The following SLC5A9 variants were observed in gnomAD, a reference collection of about 807,000 sequenced individuals.
The protein encoded by SLC5A9 is sodium/glucose cotransporter 4.
In SLC5A9, 59 loss-of-function variants were observed where a neutral mutation model predicts 70.9. That is an observed-to-expected ratio of 0.83 (90% CI 0.68 to 1.03). SLC5A9 has a LOEUF of 1.03. Among genes scored for constraint, SLC5A9 ranks in the 50% least tolerant of loss-of-function variants. SLC5A9 has a pLI of 0.00. For synonymous variants in SLC5A9, 340 were observed against 346.5 expected, an observed-to-expected ratio of 0.98 and a Z score of 0.21; for missense variants, 832 against 881.1, an observed-to-expected ratio of 0.94 and a Z score of 0.71.
chr1:48,231,609 G>C lies in SLC5A9; in HGVS notation c.675G>C (p.Leu225=). The change falls in exon 6 of 14, where the codon CTG becomes CTC. Residue 225 remains leucine (L), a synonymous_variant. Transcript: ENST00000438567. ...LQTVIMVGGA[L]VLMFLGFQDV... is the part of the protein sequence containing the mutation. Reference sequence around the variant, plus strand: ...CGGTGATCATGGTAGGGGGAGCCCTGGTCCTCATGTTTCTGGGTAAGGAAG... The same window carrying C: ...CGGTGATCATGGTAGGGGGAGCCCTCGTCCTCATGTTTCTGGGTAAGGAAG... The C allele has an allele frequency of 6.2e-7, 1 of 1,614,156 alleles. No homozygotes were observed. The highest frequency in any genetic ancestry group is 1.3e-5 in the African/African-American group (1 of 75,052).
rs966653443 is a variant in SLC5A9, at chr1:48,237,552, C to T, written c.1293-127C>T. The T allele has an allele frequency of 3.1e-5, 27 of 873,202 alleles. No individual in the cohort carries two copies. The South Asian group carries it at 4.5e-4, about 14-fold the overall frequency. 54.1% of individuals were successfully genotyped at this position (873,202 alleles called of 1,614,324 possible). On this transcript the variant is annotated intron_variant, in intron 10 of 13. Transcript: ENST00000438567. ...TAGTATTTGAGATTCTGGCTGCCAA[C>T]CTTCTCTGATCTAGTGATTGTACAT...
intron 4 of SLC5A9, among the ~76,000 whole-genome samples, chr1:48,230,345 C>G (rs746036182): frequency 2.6e-4 from 40 of 152,238 alleles, no homozygotes; most frequent in Non-Finnish European, 4.8e-4. Context: ...CCTTCATGTC[C>G]AGCAGACCAG....
chr1:48,234,693 G>A (rs1042049040), intron 9 of SLC5A9, among the ~76,000 whole-genome samples: 1 of 152,168 alleles, frequency 6.6e-6, no homozygotes, highest in African/African-American at 2.4e-5. Context: ...GTGGGATTAT[G>A]GAGGGCAGCA....
Position 48,247,831 on chromosome 1 carries a change from A to G in SLC5A9, c.*288A>G, listed in dbSNP as rs1185764183. ...GACCTACCTCAAACACACTGTTTCC[A>G]CCCTCTTCTTGAATGTATTCAGTAG... On this transcript the variant is annotated 3_prime_UTR_variant, in exon 14 of 14. Transcript: ENST00000438567. 4.4e-6 allele frequency: 2 copies of G among 454,610 alleles called. No homozygotes were observed. Among genetic ancestry groups the G allele is most frequent in the African/African-American group, 3.9e-5 (2 of 51,378 alleles). The allele number at this position is 454,610 out of a possible 1,614,324, so 28.2% of individuals were successfully genotyped here. A position where few individuals can be genotyped will look rare whatever the true frequency, so the allele number is the denominator to read the frequency against.
intron 6 of SLC5A9, 145 bp downstream of exon 6, chr1:48,231,770 A>T: frequency 6.6e-7 from 1 of 1,506,722 alleles, no homozygotes; most frequent in Non-Finnish European, 8.9e-7. Context: ...GCTCCCAAAG[A>T]GCAGGGTTCT....
intron 13 of SLC5A9, among the ~76,000 whole-genome samples, chr1:48,244,872 G>GTATATATATATA (rs1190631619): frequency 5.4e-4 from 5 of 9,316 alleles, no homozygotes; most frequent in African/African-American, 1.1e-3. Flanking sequence ...GTATGTATGT[G>GTATATATATATA]TATGTGTATA....
At position 48,247,711 on chromosome 1, in the gene SLC5A9, GA is replaced by G; in HGVS notation, c.*171del. ...TCAACCTGCACACTTGACAAGTGGA[GA>G]AACAGAAGCCCAGAGAGAGCACTGG... On this transcript the variant is annotated 3_prime_UTR_variant, in exon 14 of 14. Coordinates refer to ENST00000438567, the MANE Select transcript of SLC5A9 (RefSeq NM_001011547.3). The G allele has an allele frequency of 4.4e-6, 3 of 677,186 alleles. No individual in the cohort carries two copies. Among genetic ancestry groups the G allele is most frequent in the Non-Finnish European group, 7.5e-6 (3 of 397,352 alleles). The allele number at this position is 677,186 out of a possible 1,614,324, so 41.9% of individuals were successfully genotyped here.
intron 12 of SLC5A9, among the ~76,000 whole-genome samples, chr1:48,240,087 C>T (rs920802128): frequency 6.6e-6 from 1 of 152,222 alleles, no homozygotes; most frequent in Non-Finnish European, 1.5e-5. Context: ...TGAACACTTA[C>T]AGCCTAGAGC....
At chr1:48,235,955 G>A in intron 10 of SLC5A9, 76 bp downstream of exon 10, 1 of 1,575,640 alleles carries the variant, frequency 6.3e-7, no homozygotes, top group Non-Finnish European at 8.7e-7. Flanking sequence ...CTGAACAGAG[G>A]TGGCTGGGTT....
intron 7 of SLC5A9, 25 bp downstream of exon 7, chr1:48,232,176 CA>C (rs1557473555): frequency 6.3e-7 from 1 of 1,593,804 alleles, no homozygotes; most frequent in South Asian, 1.1e-5. Context: ...AGGCTTAGCC[CA>C]GCCTGCCAGG....
chr1:48,230,723 G>A lies in SLC5A9; in HGVS notation c.610+18G>A. On this transcript the variant is annotated intron_variant, in intron 5 of 13. Coordinates refer to ENST00000438567, the MANE Select transcript of SLC5A9 (RefSeq NM_001011547.3). ...CATTGCAGGTAGGCAGAGGGAAGAGGGCAAGAGGAAAGCTTCTGACTGGCA... is the reference window on the plus strand; with the variant it reads ...CATTGCAGGTAGGCAGAGGGAAGAGAGCAAGAGGAAAGCTTCTGACTGGCA... The A allele has an allele frequency of 3.8e-6, 6 of 1,588,900 alleles. No individual in the cohort carries two copies. The highest frequency in any genetic ancestry group is 5.2e-6 in the Non-Finnish European group (6 of 1,157,658).
chr1:48,237,901 C>A, intron 11 of SLC5A9, 54 bp downstream of exon 11: 1 of 1,571,462 alleles, frequency 6.4e-7, no homozygotes, highest in South Asian at 1.2e-5. Flanking sequence ...GAGACCTGGT[C>A]TGTCAATCAC....
At chr1:48,228,778 C>T in intron 2 of SLC5A9, 72 bp from the exon 3 acceptor site, 1 of 1,591,350 alleles carries the variant, frequency 6.3e-7, no homozygotes. Flanking sequence ...CTCCTCACTA[C>T]TCATGGTCCT....
intron 10 of SLC5A9, among the ~76,000 whole-genome samples, chr1:48,236,297 C>T (rs1003551410): frequency 3.3e-5 from 5 of 152,166 alleles, no homozygotes; most frequent in Admixed American, 3.3e-4. Context: ...TACTGTGCAT[C>T]ACATCCCACA....
intron 1 of SLC5A9, among the ~76,000 whole-genome samples, chr1:48,223,600 A>C (rs540391426): frequency 6.6e-6 from 1 of 152,276 alleles, no homozygotes; most frequent in African/African-American, 2.4e-5. Flanking sequence ...GCAGGCAATA[A>C]ATGGCTGCTA....
rs201595035 is a variant in SLC5A9, at chr1:48,231,606, C to T, written c.672C>T (p.Ala224=). Residue 224 remains alanine, a synonymous_variant, in exon 6 of 14, where the codon GCC becomes GCT. Transcript: ENST00000438567. Reference sequence around the variant, plus strand: ...AGACGGTGATCATGGTAGGGGGAGCCCTGGTCCTCATGTTTCTGGGTAAGG... The same window carrying T: ...AGACGGTGATCATGGTAGGGGGAGCTCTGGTCCTCATGTTTCTGGGTAAGG... The part of the protein sequence containing the change: ...ALQTVIMVGG[A]LVLMFLGFQD... 1.9e-6 allele frequency: 3 copies of T among 1,614,152 alleles called. No individual in the cohort carries two copies. The highest frequency in any genetic ancestry group is 2.2e-5 in the South Asian group (2 of 91,082).
In SLC5A9 at chr1:48,229,432, C is replaced by G. The variant is rs1209582846; in HGVS notation, c.477C>G (p.Leu159=). ...AGGTGTACATGTCTGTCCTGTCTCTCATCCTCTACATCTTCACCAAGATCT... is the reference window on the plus strand; with the variant it reads ...AGGTGTACATGTCTGTCCTGTCTCTGATCCTCTACATCTTCACCAAGATCT... ...RIQVYMSVLS[L]ILYIFTKIST... is the part of the protein sequence containing the mutation. Residue 159 remains leucine (L), a synonymous_variant, in exon 4 of 14, where the codon CTC becomes CTG. Transcript: ENST00000438567. 1 of 1,614,134 alleles carries G rather than the reference C, an allele frequency of 6.2e-7. No homozygotes were observed. Among genetic ancestry groups the G allele is most frequent in the South Asian group, 1.1e-5 (1 of 91,080 alleles).
At position 48,235,857 on chromosome 1, in the gene SLC5A9, C is replaced by T. The variant is rs1212970473; in HGVS notation, c.1270C>T (p.Gln424Ter). ...GCGCTTCCGCAGGAAGTCAACAGAGCAGGAGCTGATGGTGGTGGGCAGGTG... is the reference window on the plus strand; with the variant it reads ...GCGCTTCCGCAGGAAGTCAACAGAGTAGGAGCTGATGGTGGTGGGCAGGTG... ...WQRFRRKSTE[Q>*]ELMVVGRVFV... Residue 424 changes from glutamine to a stop codon, truncating the protein, a stop_gained, in exon 10 of 14, where the codon CAG becomes TAG. Transcript: ENST00000438567. LOFTEE classifies it high-confidence loss of function. The T allele has an allele frequency of 6.2e-7, 1 of 1,614,166 alleles. No individual in the cohort carries two copies. The highest frequency in any genetic ancestry group is 1.1e-5 in the South Asian group (1 of 91,078).
At position 48,239,656 on chromosome 1, in the gene SLC5A9, G is replaced by A; in HGVS notation, c.1677+119G>A. 1 of 926,340 alleles carries A rather than the reference G, an allele frequency of 1.1e-6. No individual in the cohort carries two copies. The highest frequency in any genetic ancestry group is 1.5e-5 in the South Asian group (1 of 64,900). 57.4% of individuals were successfully genotyped at this position (926,340 alleles called of 1,614,324 possible). A position where few individuals can be genotyped will look rare whatever the true frequency, so the allele number is the denominator to read the frequency against. ...TGGTCTCCCCTGTGGCCACACAGATGTCCTTGGGAGGGAAAGTGCCTTGGG... is the reference window on the plus strand; with the variant it reads ...TGGTCTCCCCTGTGGCCACACAGATATCCTTGGGAGGGAAAGTGCCTTGGG... On this transcript the variant is annotated intron_variant, in intron 12 of 13. Transcript: ENST00000438567. The surrounding 1 kb of genome is among the most constrained non-coding windows in gnomAD (Gnocchi z 4.2).
Sources: gnomAD v4.1 joint callset for allele counts (sites outside exome capture counted in the v4.1 genomes callset) on GRCh38, gnomAD v4.1.1 for gene constraint, Gnocchi (gnomAD v3.1) non-coding constraint, MANE v1.5 for transcripts, NCBI Gene and HGNC (gene_info 2026-07-23, HGNC 2026-07-21) for gene names.